TRAPPC9: variants seen among roughly 807,000 people sequenced by gnomAD.
TRAPPC9 encodes trafficking protein particle complex subunit 9.
TRAPPC9 carries 83 observed loss-of-function variants against 124.0 expected under a neutral mutation model. The ratio of observed to expected loss-of-function variants is 0.67; its 90% confidence interval spans 0.56 to 0.80. The LOEUF (loss-of-function observed/expected upper bound fraction) is 0.80, where lower values mean the gene tolerates loss of function less well. Among genes scored for constraint, TRAPPC9 ranks in the 30% least tolerant of loss-of-function variants. The pLI, the probability that TRAPPC9 is intolerant of heterozygous loss-of-function variation, is 0.00. For missense variants in TRAPPC9, 1,302 were observed against 1,508.3 expected (o/e 0.86, Z 2.27); for synonymous variants, 638 against 617.5 (o/e 1.03, Z -0.49).
intron 5 of TRAPPC9, among the ~76,000 whole-genome samples, chr8:140,410,112 G>T (rs7001368): frequency 0.032 from 4,036 of 127,416 alleles, 182 homozygotes; most frequent in African/African-American, 0.1. Flanking sequence ...CTGCACTCCA[G>T]CCTGGGTGAG....
chr8:140,417,043 C>A (rs2069959127), intron 5 of TRAPPC9, among the ~76,000 whole-genome samples: 1 of 152,156 alleles, frequency 6.6e-6, no homozygotes, highest in African/African-American at 2.4e-5. Context: ...TGGACCTCTT[C>A]CTTACACCTT....
At chr8:139,910,321 C>A in intron 19 of TRAPPC9, 21 bp from the exon 20 acceptor site, 1 of 1,614,104 alleles carries the variant, frequency 6.2e-7, no homozygotes, top group Non-Finnish European at 8.5e-7. Flanking sequence ...GGGGAAAACA[C>A]AGCAGAGAAT....
At chr8:139,974,818 G>A (rs953804080) in intron 19 of TRAPPC9, among the ~76,000 whole-genome samples, 1 of 152,058 alleles carries the variant, frequency 6.6e-6, no homozygotes, top group African/African-American at 2.4e-5. Flanking sequence ...GCTGGGCCCA[G>A]GTTTCCGTGG....
intron 17 of TRAPPC9, among the ~76,000 whole-genome samples, chr8:140,217,624 C>T (rs938354420): frequency 3.3e-5 from 5 of 152,188 alleles, no homozygotes; most frequent in Admixed American, 6.5e-5. Flanking sequence ...CACCTGCTCC[C>T]CAAAATTCCC....
chr8:139,880,711 T>C (rs776867051), intron 21 of TRAPPC9, among the ~76,000 whole-genome samples: 1 of 152,174 alleles, frequency 6.6e-6, no homozygotes, highest in African/African-American at 2.4e-5. Flanking sequence ...ACTAGAAAAC[T>C]TGTCTAGTCA....
intron 21 of TRAPPC9, among the ~76,000 whole-genome samples, chr8:139,741,044 G>C (rs1189115985): frequency 6.6e-6 from 1 of 152,190 alleles, no homozygotes; most frequent in Non-Finnish European, 1.5e-5. Flanking sequence ...TGAGCCCCAA[G>C]AGGAGGGTGG....
chr8:140,173,237 A>G (rs1331415405), intron 17 of TRAPPC9, among the ~76,000 whole-genome samples: 2 of 152,228 alleles, frequency 1.3e-5, no homozygotes, highest in South Asian at 2.1e-4. Context: ...CAGTGGAATC[A>G]CAAACTAGAA....
intron 15 of TRAPPC9, chr8:140,262,691 A>G (rs2064466232): frequency 6.9e-6 from 1 of 144,532 alleles, no homozygotes; most frequent in Non-Finnish European, 1.5e-5. Context: ...TGCCTCCTAC[A>G]CTGAGCCGTG....
At chr8:140,421,525 T>C (rs181075283) in intron 5 of TRAPPC9, among the ~76,000 whole-genome samples, 42 of 152,344 alleles carry the variant, frequency 2.8e-4, no homozygotes, top group African/African-American at 9.9e-4. Context: ...GAGATATTTC[T>C]ATATGATTTT....
intron 17 of TRAPPC9, among the ~76,000 whole-genome samples, chr8:140,044,642 G>A (rs1039480759): frequency 4.2e-4 from 64 of 152,334 alleles, no homozygotes; most frequent in African/African-American, 1.4e-3. Context: ...TAAATGCTAC[G>A]GACGGAATAC....
rs141382490 is a variant in TRAPPC9, at chr8:139,903,676, C to T, written c.2964+6471G>A. Among the ~76,000 whole-genome samples, 5 of 152,308 alleles carry T rather than the reference C, an allele frequency of 3.3e-5. No homozygotes were observed. The East Asian group carries it at 9.7e-4, about 29-fold the overall frequency. ...TTCCTTTCACACACTCATCACGGCACTCGGCATCGCGCAGCTGAGCTGGTA... is the reference window on the plus strand; with the variant it reads ...TTCCTTTCACACACTCATCACGGCATTCGGCATCGCGCAGCTGAGCTGGTA... On this transcript the variant is annotated intron_variant, in intron 20 of 22. Transcript: ENST00000438773.
rs959358045 is a variant in TRAPPC9, at chr8:139,907,135, C to A, written c.2964+3012G>T. 1.3e-5 allele frequency among the ~76,000 whole-genome samples: 2 copies of A among 152,188 alleles called. No homozygotes were observed. Among genetic ancestry groups the A allele is most frequent in the Admixed American group, 1.3e-4 (2 of 15,290 alleles). The stretch of plus-strand genomic sequence containing the variant: ...GCTCACCTCCTAAGAACAAGCAAAT[C>A]TGTACCATATTTGTCATTAACAGGT... On this transcript the variant is annotated intron_variant, in intron 20 of 22. Coordinates refer to ENST00000438773, the MANE Select transcript of TRAPPC9 (RefSeq NM_001160372.4). The surrounding 1 kb of genome is among the most constrained non-coding windows in gnomAD (Gnocchi z 4.7).
chr8:139,954,150 C>T lies in TRAPPC9; in HGVS notation c.2810+34576G>A, dbSNP rs78477849. On this transcript the variant is annotated intron_variant, in intron 19 of 22. Transcript: ENST00000438773. ...TGGGGACTGCGCCAGGGGTAGGGAGCGATGATGAGGGCACAGGGAAGCTTT... is the reference window on the plus strand; with the variant it reads ...TGGGGACTGCGCCAGGGGTAGGGAGTGATGATGAGGGCACAGGGAAGCTTT... 1.4e-3 allele frequency among the ~76,000 whole-genome samples: 218 copies of T among 152,214 alleles called. 7 individuals carry two copies. In the East Asian group the frequency reaches 0.039, roughly 27 times the overall value.
chr8:140,116,175 G>A (rs567969522), intron 17 of TRAPPC9, among the ~76,000 whole-genome samples: 4 of 152,232 alleles, frequency 2.6e-5, no homozygotes, highest in Admixed American at 1.3e-4. Context: ...GGGCGAAGGG[G>A]GTAAATTTTT....
chr8:139,930,220 T>C (rs998106508), intron 19 of TRAPPC9, among the ~76,000 whole-genome samples: 1 of 152,184 alleles, frequency 6.6e-6, no homozygotes, highest in African/African-American at 2.4e-5. Flanking sequence ...ACGCACTATC[T>C]TAATGCATGT....
intron 19 of TRAPPC9, among the ~76,000 whole-genome samples, chr8:139,941,745 GGGCAGGCTGGCCGAGCAGGA>G (rs1229248248): frequency 2.6e-5 from 4 of 152,218 alleles, no homozygotes; most frequent in South Asian, 2.1e-4. Flanking sequence ...GAAGGTCTCA[GGGCAGGCTGGCCGAGCAGGA>G]GGCAGGCTGG....
At chr8:139,759,257 G>C (rs1820063859) in intron 21 of TRAPPC9, among the ~76,000 whole-genome samples, 1 of 152,212 alleles carries the variant, frequency 6.6e-6, no homozygotes, top group Admixed American at 6.5e-5. Flanking sequence ...CCTGGGAAAG[G>C]GAAGGCAAAG....
At chr8:139,904,830 T>G (rs913575716) in intron 20 of TRAPPC9, 3 of 152,122 alleles carry the variant, frequency 2.0e-5, no homozygotes, top group Non-Finnish European at 4.4e-5. Context: ...GGTCACACAG[T>G]CTCCCCTTCT....
intron 19 of TRAPPC9, among the ~76,000 whole-genome samples, chr8:139,941,014 C>G (rs1174072334): frequency 6.6e-6 from 1 of 152,234 alleles, no homozygotes; most frequent in Non-Finnish European, 1.5e-5. Context: ...CATCACTGTC[C>G]TCACTGGGAC....
Sources: allele counts gnomAD v4.1 joint callset (sites outside exome capture counted in the v4.1 genomes callset), GRCh38; gene constraint gnomAD v4.1.1; non-coding constraint Gnocchi (gnomAD v3.1); transcripts MANE v1.5; gene names NCBI Gene and HGNC (gene_info 2026-07-23, HGNC 2026-07-21).